Variants in SGCZ observed in about 807,000 individuals in gnomAD.
SGCZ encodes sarcoglycan zeta, also known as zeta-sarcoglycan.
A neutral mutation model predicts 41.3 loss-of-function variants in SGCZ; 40 were observed. The observed-to-expected ratio is 0.97, with a 90% CI of 0.75 to 1.26. The LOEUF (loss-of-function observed/expected upper bound fraction) is 1.26, where lower values mean the gene tolerates loss of function less well. Among genes scored for constraint, SGCZ ranks in the 50% most tolerant of loss-of-function variants. The probability of loss-of-function intolerance (pLI) is 0.00; values close to 1 mark genes in which losing one functional copy is unlikely to be tolerated. For synonymous variants in SGCZ, 206 were observed against 137.5 expected (o/e 1.50, Z -3.49); for missense variants, 552 against 369.8 (o/e 1.49, Z -4.04).
intron 1 of SGCZ, among the ~76,000 whole-genome samples, chr8:15,047,051 C>T (rs1393732445): frequency 6.6e-6 from 1 of 151,948 alleles, no homozygotes; most frequent in Non-Finnish European, 1.5e-5. Context: ...TGTACTCTGT[C>T]CTTTGATAGT....
At chr8:14,520,093 G>C (rs1350340454) in intron 2 of SGCZ, among the ~76,000 whole-genome samples, 1 of 151,974 alleles carries the variant, frequency 6.6e-6, no homozygotes, top group African/African-American at 2.4e-5. Context: ...ACAATGACAA[G>C]CTATAGTCAG....
chr8:14,878,135 A>G (rs966263853), intron 1 of SGCZ, among the ~76,000 whole-genome samples: 3 of 151,890 alleles, frequency 2.0e-5, no homozygotes, highest in African/African-American at 4.8e-5. Flanking sequence ...TAAGCACTTA[A>G]GAAGTAGACA....
intron 7 of SGCZ, among the ~76,000 whole-genome samples, chr8:14,098,866 T>A (rs754141543): frequency 6.6e-6 from 1 of 152,106 alleles, no homozygotes; most frequent in Non-Finnish European, 1.5e-5. Flanking sequence ...AACCTTGAAG[T>A]ACTCAAGCCT....
At chr8:15,125,480 G>C (rs1448483107) in intron 1 of SGCZ, among the ~76,000 whole-genome samples, 3 of 152,090 alleles carry the variant, frequency 2.0e-5, no homozygotes, top group Non-Finnish European at 2.9e-5. Flanking sequence ...AAACTTCTCT[G>C]ATCCTTCCAA....
chr8:14,256,129 G>C (rs926289469), intron 3 of SGCZ, among the ~76,000 whole-genome samples: 4 of 152,054 alleles, frequency 2.6e-5, no homozygotes, highest in African/African-American at 4.8e-5. Context: ...CTTGATAGAT[G>C]GCAGAAGCAT....
intron 1 of SGCZ, among the ~76,000 whole-genome samples, chr8:14,774,239 C>G (rs563615099): frequency 6.2e-4 from 94 of 152,260 alleles, no homozygotes; most frequent in African/African-American, 2.2e-3. Context: ...ACATGAACTG[C>G]TATATTGTCT....
chr8:14,346,021 A>G (rs1802880867), intron 2 of SGCZ, among the ~76,000 whole-genome samples: 1 of 152,098 alleles, frequency 6.6e-6, no homozygotes, highest in Non-Finnish European at 1.5e-5. Flanking sequence ...GTCATTGTAT[A>G]TTTGTCAAAC....
Position 14,526,055 on chromosome 8 carries a change from G to A in SGCZ, c.234+28677C>T, listed in dbSNP as rs529874833. 9.2e-5 allele frequency among the ~76,000 whole-genome samples: 14 copies of A among 151,906 alleles called. No individual in the cohort carries two copies. In the East Asian group the frequency reaches 1.7e-3, roughly 19 times the overall value. ...TAAGATATTTTACCTATCCATATTC[G>A]AAAAAGTATTTTGATATCTTACAGA... On this transcript the variant is annotated intron_variant, in intron 2 of 7. Transcript: ENST00000382080.
At chr8:14,511,385 T>C (rs1005528617) in intron 2 of SGCZ, among the ~76,000 whole-genome samples, 3 of 152,036 alleles carry the variant, frequency 2.0e-5, no homozygotes, top group African/African-American at 7.2e-5. Context: ...CACAGAGAGA[T>C]GATTTAACAA....
intron 1 of SGCZ, among the ~76,000 whole-genome samples, chr8:14,629,247 C>T (rs1276439325): frequency 6.6e-6 from 1 of 152,054 alleles, no homozygotes; most frequent in Non-Finnish European, 1.5e-5. Context: ...TAAAAGTTTA[C>T]TTCGTGTGAT....
chr8:15,208,418 C>T (rs564630629), intron 1 of SGCZ, among the ~76,000 whole-genome samples: 53 of 152,284 alleles, frequency 3.5e-4, no homozygotes, highest in African/African-American at 1.2e-3. Context: ...TAGCAGTTCC[C>T]ACCTCATAGA....
chr8:15,119,972 G>T (rs1431948809), intron 1 of SGCZ, among the ~76,000 whole-genome samples: 1 of 145,934 alleles, frequency 6.9e-6, no homozygotes, highest in Admixed American at 6.8e-5. Flanking sequence ...ACCAAGCTCG[G>T]TTTTTTGGTG....
chr8:15,178,401 A>C (rs1800063095), intron 1 of SGCZ, among the ~76,000 whole-genome samples: 1 of 152,224 alleles, frequency 6.6e-6, no homozygotes, highest in Admixed American at 6.5e-5. Flanking sequence ...TCTAAGCCTC[A>C]ATTACCCCAT....
intron 1 of SGCZ, among the ~76,000 whole-genome samples, chr8:15,225,384 A>T (rs1425247993): frequency 1.3e-5 from 2 of 152,198 alleles, no homozygotes; most frequent in African/African-American, 4.8e-5. Flanking sequence ...AGAAAAGAAG[A>T]TGTATTTCAG....
chr8:14,799,459 C>G (rs1181449256), intron 1 of SGCZ, among the ~76,000 whole-genome samples: 1 of 152,022 alleles, frequency 6.6e-6, no homozygotes, highest in African/African-American at 2.4e-5. Flanking sequence ...AACAGAGCCC[C>G]AGTGACCTCT....
intron 4 of SGCZ, among the ~76,000 whole-genome samples, chr8:14,180,182 C>G (rs988825636): frequency 2.0e-5 from 3 of 152,166 alleles, no homozygotes; most frequent in Admixed American, 2.0e-4. Flanking sequence ...CAAAAACAGT[C>G]TGTCACAATA....
chr8:14,243,529 G>C (rs1378008196), intron 3 of SGCZ, among the ~76,000 whole-genome samples: 1 of 152,154 alleles, frequency 6.6e-6, no homozygotes, highest in African/African-American at 2.4e-5. Flanking sequence ...CTCTCAGCTT[G>C]AAAGAAATTT....
intron 5 of SGCZ, among the ~76,000 whole-genome samples, chr8:14,153,580 T>C (rs930745190): frequency 6.6e-6 from 1 of 152,144 alleles, no homozygotes; most frequent in African/African-American, 2.4e-5. Flanking sequence ...CTCTTTCATT[T>C]AATACCACAA....
chr8:14,218,780 C>T (rs780590645), intron 4 of SGCZ, among the ~76,000 whole-genome samples: 3 of 152,190 alleles, frequency 2.0e-5, no homozygotes, highest in Admixed American at 6.5e-5. Flanking sequence ...ACATCAACAA[C>T]GCATTTGGTC....
Sources: allele counts gnomAD v4.1 joint callset (sites outside exome capture counted in the v4.1 genomes callset), GRCh38; gene constraint gnomAD v4.1.1; transcripts MANE v1.5; gene names NCBI Gene and HGNC (gene_info 2026-07-23, HGNC 2026-07-21).